Variants in MACROD2 observed in about 807,000 individuals in gnomAD.
The protein encoded by MACROD2 is ADP-ribose glycohydrolase MACROD2.
MACROD2 carries 36 observed loss-of-function variants against 70.4 expected under a neutral mutation model. The observed-to-expected ratio is 0.51, with a 90% CI of 0.39 to 0.68. The LOEUF is 0.68. MACROD2 is among the 30% of genes least tolerant of loss of function. MACROD2 has a pLI of 0.00. For synonymous variants in MACROD2, 172 were observed against 178.8 expected (o/e 0.96, Z 0.30); for missense variants, 496 against 538.4 (o/e 0.92, Z 0.78).
At chr20:14,461,919 G>T (rs925077688) in intron 3 of MACROD2, among the ~76,000 whole-genome samples, 7 of 151,980 alleles carry the variant, frequency 4.6e-5, no homozygotes, top group African/African-American at 1.7e-4. Flanking sequence ...CCAAGTCTTT[G>T]CTATTGTGAA....
intron 4 of MACROD2, among the ~76,000 whole-genome samples, chr20:14,642,349 G>A (rs7261811): frequency 0.1 from 15,602 of 152,076 alleles, 1,274 homozygotes; most frequent in South Asian, 0.28. Flanking sequence ...AGCAGTAAAG[G>A]GCTGTTTCAG....
chr20:15,304,233 G>T (rs541642553), intron 6 of MACROD2, among the ~76,000 whole-genome samples: 1 of 152,174 alleles, frequency 6.6e-6, no homozygotes, highest in Non-Finnish European at 1.5e-5. Flanking sequence ...AAAGAAAGGA[G>T]CGAGTTGTCT....
intron 8 of MACROD2, among the ~76,000 whole-genome samples, chr20:15,500,710 C>G (rs570508635): frequency 6.6e-6 from 1 of 152,036 alleles, no homozygotes; most frequent in Non-Finnish European, 1.5e-5. Context: ...AAACAGGTGA[C>G]GGGGTTTTCA....
At chr20:15,063,329 C>T (rs1229782886) in intron 5 of MACROD2, among the ~76,000 whole-genome samples, 1 of 152,186 alleles carries the variant, frequency 6.6e-6, no homozygotes, top group African/African-American at 2.4e-5. Flanking sequence ...AATTCAATTA[C>T]AATTTTGCTT....
chr20:15,622,119 C>T (rs1398745905), intron 8 of MACROD2, among the ~76,000 whole-genome samples: 2 of 152,138 alleles, frequency 1.3e-5, no homozygotes, highest in East Asian at 3.9e-4. Context: ...TTGAACGGAA[C>T]AGTTGTTTCA....
intron 5 of MACROD2, among the ~76,000 whole-genome samples, chr20:14,933,040 A>T (rs2074309720): frequency 6.6e-6 from 1 of 152,170 alleles, no homozygotes; most frequent in Non-Finnish European, 1.5e-5. Flanking sequence ...CGAAATAGAA[A>T]GAATAGTCTT....
intron 5 of MACROD2, among the ~76,000 whole-genome samples, chr20:14,897,702 A>G (rs1052878473): frequency 3.9e-5 from 6 of 152,214 alleles, no homozygotes; most frequent in African/African-American, 1.2e-4. Flanking sequence ...ATCAGGTTCC[A>G]TAAAGTTTCA....
chr20:14,726,082 A>G (rs2071526616), intron 5 of MACROD2, among the ~76,000 whole-genome samples: 1 of 152,186 alleles, frequency 6.6e-6, no homozygotes, highest in African/African-American at 2.4e-5. Context: ...ACAAGAGAGA[A>G]TTCAAAATTC....
At chr20:14,625,983 C>T (rs946079401) in intron 4 of MACROD2, among the ~76,000 whole-genome samples, 12 of 152,060 alleles carry the variant, frequency 7.9e-5, no homozygotes, top group East Asian at 7.8e-4. Context: ...CCATGATGCC[C>T]GGCTAATTTT....
chr20:14,008,578 A>C (rs965698676), intron 2 of MACROD2, among the ~76,000 whole-genome samples: 3 of 152,212 alleles, frequency 2.0e-5, no homozygotes, highest in Admixed American at 1.3e-4. Flanking sequence ...TATTCCTATT[A>C]AACTACTATC....
At chr20:15,522,980 A>G (rs1222767461) in intron 8 of MACROD2, among the ~76,000 whole-genome samples, 2 of 152,316 alleles carry the variant, frequency 1.3e-5, no homozygotes, top group African/African-American at 4.8e-5. Flanking sequence ...AAAATTATTG[A>G]TGATAAAAAT....
intron 3 of MACROD2, among the ~76,000 whole-genome samples, chr20:14,465,730 T>C (rs1381722422): frequency 1.3e-5 from 2 of 152,224 alleles, no homozygotes; most frequent in Admixed American, 1.3e-4. Flanking sequence ...GCAGGCCTAG[T>C]GGTGACAAAA....
intron 3 of MACROD2, among the ~76,000 whole-genome samples, chr20:14,095,931 G>A (rs558391017): frequency 5.9e-5 from 9 of 152,248 alleles, no homozygotes; most frequent in African/African-American, 2.2e-4. Flanking sequence ...AAATGCAAAA[G>A]AAAAATGTTA....
At chr20:15,074,197 C>A (rs2075640422) in intron 5 of MACROD2, among the ~76,000 whole-genome samples, 1 of 152,086 alleles carries the variant, frequency 6.6e-6, no homozygotes, top group Non-Finnish European at 1.5e-5. Flanking sequence ...ACAGAAAAGG[C>A]CAAAGAAGGC....
intron 8 of MACROD2, among the ~76,000 whole-genome samples, chr20:15,633,804 T>A (rs1016833420): frequency 6.6e-6 from 1 of 152,226 alleles, no homozygotes; most frequent in South Asian, 2.1e-4. Context: ...TACAATTAGA[T>A]GTTTGTCTAC....
chr20:15,152,276 G>A (rs754115925), intron 5 of MACROD2, among the ~76,000 whole-genome samples: 17 of 151,948 alleles, frequency 1.1e-4, no homozygotes, highest in South Asian at 1.0e-3. Flanking sequence ...TCTTAAGAAC[G>A]CAGGCTAAGG....
At chr20:15,095,861 TTGTGTGTGTGTGTG>T (rs11468899) in intron 5 of MACROD2, among the ~76,000 whole-genome samples, 3 of 148,474 alleles carry the variant, frequency 2.0e-5, no homozygotes, top group African/African-American at 5.0e-5. Flanking sequence ...ACCATGTTGT[TTGTGTGTGTGTGTG>T]TGTGTGTGTG....
rs554044591 is a variant in MACROD2 at position 14,070,454 on chromosome 20, T to G, written c.164-15167T>G. Reference sequence around the variant, plus strand: ...CCCTGGGATTCCTCTAGTTCCCTGATTGTATATCCGTAAAACCTCTTACCG... The same window carrying G: ...CCCTGGGATTCCTCTAGTTCCCTGAGTGTATATCCGTAAAACCTCTTACCG... On this transcript the variant is annotated intron_variant, in intron 2 of 17. Transcript: ENST00000684519. Among the ~76,000 whole-genome samples, 18 of 152,294 alleles carry G rather than the reference T, an allele frequency of 1.2e-4. No homozygotes were observed. In the South Asian group the frequency reaches 3.7e-3, roughly 32 times the overall value.
intron 3 of MACROD2, among the ~76,000 whole-genome samples, chr20:14,395,302 AT>A (rs2083569551): frequency 6.6e-6 from 1 of 151,988 alleles, no homozygotes; most frequent in Non-Finnish European, 1.5e-5. Flanking sequence ...GGCTATTTGT[AT>A]TTTTTGAGCA....
Sources: allele counts gnomAD v4.1 joint callset (sites outside exome capture counted in the v4.1 genomes callset), GRCh38; gene constraint gnomAD v4.1.1; transcripts MANE v1.5; gene names NCBI Gene and HGNC (gene_info 2026-07-23, HGNC 2026-07-21).